Variants in PACSIN1 observed in about 807,000 individuals in gnomAD.
PACSIN1 encodes the protein protein kinase C and casein kinase substrate in neurons protein 1.
PACSIN1 carries 15 observed loss-of-function variants against 59.5 expected under a neutral mutation model. The ratio of observed to expected loss-of-function variants is 0.25; its 90% CI spans 0.17 to 0.39. PACSIN1 has a LOEUF of 0.39. Ranked by LOEUF, PACSIN1 falls within the 10% of genes least tolerant of loss-of-function variation. PACSIN1 has a pLI of 1.00. For missense variants in PACSIN1, 420 were observed against 580.2 expected (o/e 0.72, Z 2.84); for synonymous variants, 210 against 220.6 (o/e 0.95, Z 0.42).
intron 1 of PACSIN1, among the ~76,000 whole-genome samples, chr6:34,467,796 G>C (rs560245468): frequency 2.6e-5 from 4 of 152,252 alleles, no homozygotes; most frequent in Admixed American, 2.6e-4. Flanking sequence ...GACCTCAGGT[G>C]ATCTGCCCAC....
chr6:34,479,096 T>G (rs1433247221), intron 1 of PACSIN1, among the ~76,000 whole-genome samples: 1 of 152,148 alleles, frequency 6.6e-6, no homozygotes. Context: ...ATGAGGGCAG[T>G]GCCCCATAAT....
chr6:34,528,545 T>A (rs2127274420), intron 3 of PACSIN1, 97 bp from the exon 4 acceptor site: 1 of 893,802 alleles, frequency 1.1e-6, no homozygotes, highest in East Asian at 2.4e-5. Flanking sequence ...TTTCTGTTGC[T>A]ATGAGAGGAA....
At chr6:34,509,332 T>C (rs534803059) in intron 1 of PACSIN1, among the ~76,000 whole-genome samples, 2 of 152,242 alleles carry the variant, frequency 1.3e-5, no homozygotes, top group Non-Finnish European at 2.9e-5. Flanking sequence ...CTGTTGATCA[T>C]ATATGTATGG....
chr6:34,529,851 C>T lies in PACSIN1; in HGVS notation c.788+10C>T, dbSNP rs1335921283. 6.2e-7 allele frequency: 1 copy of T among 1,611,440 alleles called. No individual in the cohort carries two copies. The highest frequency in any genetic ancestry group is 1.1e-5 in the South Asian group (1 of 90,718). ...TGGCTGAGAACAGCAGGTACCTGGG[C>T]ATGGCAGGCACCGAGGGCACAGGCA... On this transcript the variant is annotated intron_variant, in intron 6 of 9. Coordinates refer to ENST00000244458, the MANE Select transcript of PACSIN1 (RefSeq NM_020804.5). This position sits in a 1 kb window ranked among gnomAD's most constrained non-coding sequence, Gnocchi z 6.3.
intron 1 of PACSIN1, among the ~76,000 whole-genome samples, chr6:34,520,761 A>C (rs954076115): frequency 6.6e-6 from 1 of 151,826 alleles, no homozygotes; most frequent in African/African-American, 2.4e-5. Flanking sequence ...CACAGGGAGG[A>C]GGAGACCCTG....
rs570635371 is a variant in PACSIN1, at chr6:34,503,269, AAAAAAAAAAAAG to A, written c.-63-22968_-63-22957del. 2.9e-3 allele frequency among the ~76,000 whole-genome samples: 433 copies of A among 149,718 alleles called. 2 individuals carry two copies. The highest frequency in any genetic ancestry group is 9.2e-3 in the African/African-American group (381 of 41,290). On this transcript the variant is annotated intron_variant, in intron 1 of 9. Transcript: ENST00000244458. ...CAGCATCAGAGCGAGATCCTGTCAA[AAAAAAAAAAAAG>A]AAAAAGAAAAAGAAAAAAAAAGCCT...
chr6:34,483,136 C>G (rs1766745059), intron 1 of PACSIN1, among the ~76,000 whole-genome samples: 2 of 151,754 alleles, frequency 1.3e-5, no homozygotes, highest in Non-Finnish European at 2.9e-5. Flanking sequence ...TCCCAAGTAG[C>G]TGGGACTACA....
rs78054637 is a variant in PACSIN1, at chr6:34,492,034, C to A, written c.-64+25764C>A. Among the ~76,000 whole-genome samples the A allele has an allele frequency of 8.7e-3, 1,319 of 152,032 alleles. 18 individuals carry two copies. Among genetic ancestry groups the A allele is most frequent in the African/African-American group, 0.025 (1,046 of 41,432 alleles). ...GATGTGTTTTTCTCCGGGTATATAC[C>A]CCAGTAATGGGATTGCGGGTCAAAT... On this transcript the variant is annotated intron_variant, in intron 1 of 9. Transcript: ENST00000244458.
At chr6:34,522,811 G>A (rs1349567681) in intron 1 of PACSIN1, among the ~76,000 whole-genome samples, 1 of 152,220 alleles carries the variant, frequency 6.6e-6, no homozygotes, top group Non-Finnish European at 1.5e-5. Context: ...CGAGTCCAAA[G>A]GCCACAGAAC....
intron 1 of PACSIN1, among the ~76,000 whole-genome samples, chr6:34,473,615 G>A: frequency 6.6e-6 from 1 of 152,184 alleles, no homozygotes; most frequent in African/African-American, 2.4e-5. Flanking sequence ...GCTGGGGGTT[G>A]GGGGTCCAGG....
At chr6:34,519,541 G>T (rs1251959404) in intron 1 of PACSIN1, among the ~76,000 whole-genome samples, 1 of 152,118 alleles carries the variant, frequency 6.6e-6, no homozygotes, top group Non-Finnish European at 1.5e-5. Flanking sequence ...AAGGGCTCTG[G>T]GGGTATTAGC....
intron 1 of PACSIN1, among the ~76,000 whole-genome samples, chr6:34,472,271 C>CAAAAAAAA (rs61560626): frequency 2.6e-4 from 20 of 78,290 alleles, no homozygotes; most frequent in South Asian, 5.2e-4. Context: ...GACTCTGTCT[C>CAAAAAAAA]AAAAAAAAAA....
In PACSIN1 at chr6:34,532,408, T is replaced by A. The variant is rs1561973014; in HGVS notation, c.1226-13T>A. 2 of 1,546,146 alleles carry A rather than the reference T, an allele frequency of 1.3e-6. No homozygotes were observed. Among genetic ancestry groups the A allele is most frequent in the East Asian group, 4.8e-5 (2 of 41,470 alleles). On this transcript the variant is annotated splice_polypyrimidine_tract_variant and intron_variant, in intron 9 of 9. Coordinates refer to ENST00000244458, the MANE Select transcript of PACSIN1 (RefSeq NM_020804.5). This position sits in a 1 kb window ranked among gnomAD's most constrained non-coding sequence, Gnocchi z 5.2. Reference sequence around the variant, plus strand: ...CCTTCTCTCTGAGCCCCTCCCTGTGTTCTCTTTCCCAGGAGACGAACTCAC... The same window carrying A: ...CCTTCTCTCTGAGCCCCTCCCTGTGATCTCTTTCCCAGGAGACGAACTCAC...
intron 1 of PACSIN1, among the ~76,000 whole-genome samples, chr6:34,519,592 A>T (rs1767353004): frequency 6.6e-6 from 1 of 152,068 alleles, no homozygotes; most frequent in Non-Finnish European, 1.5e-5. Flanking sequence ...CAGAGAGATG[A>T]GGCTCCTGTC....
At chr6:34,510,430 C>G (rs999699602) in intron 1 of PACSIN1, among the ~76,000 whole-genome samples, 7 of 152,198 alleles carry the variant, frequency 4.6e-5, no homozygotes, top group African/African-American at 1.7e-4. Context: ...ATCACTACCT[C>G]GTTTGCCACC....
At chr6:34,519,832 C>G (rs1469241300) in intron 1 of PACSIN1, among the ~76,000 whole-genome samples, 1 of 152,134 alleles carries the variant, frequency 6.6e-6, no homozygotes, top group Non-Finnish European at 1.5e-5. Flanking sequence ...GGATTTGAAC[C>G]TCATCTGCAG....
At chr6:34,473,828 C>G (rs1465678329) in intron 1 of PACSIN1, among the ~76,000 whole-genome samples, 1 of 152,228 alleles carries the variant, frequency 6.6e-6, no homozygotes, top group Non-Finnish European at 1.5e-5. Context: ...CATGTCCAAT[C>G]TCATCTCAAT....
At position 34,506,672 on chromosome 6, in the gene PACSIN1, C is replaced by T. The variant is rs367769433; in HGVS notation, c.-63-19571C>T. ...AGGTCCCCTACTTGACCTTGGTTGA[C>T]ACCCTGGTGGGGGTCAGGGGTGCCT... On this transcript the variant is annotated intron_variant, in intron 1 of 9. Coordinates refer to ENST00000244458, the MANE Select transcript of PACSIN1 (RefSeq NM_020804.5). 1.1e-4 allele frequency among the ~76,000 whole-genome samples: 16 copies of T among 152,308 alleles called. No homozygotes were observed. The East Asian group carries it at 2.3e-3, about 22-fold the overall frequency.
In PACSIN1 at chr6:34,516,096, C is replaced by T. The variant is rs1297429116; in HGVS notation, c.-63-10147C>T. Among the ~76,000 whole-genome samples, 4 of 152,096 alleles carry T rather than the reference C, an allele frequency of 2.6e-5. No homozygotes were observed. The highest frequency in any genetic ancestry group is 9.7e-5 in the African/African-American group (4 of 41,412). On this transcript the variant is annotated intron_variant, in intron 1 of 9. Coordinates refer to ENST00000244458, the MANE Select transcript of PACSIN1 (RefSeq NM_020804.5). The surrounding 1 kb of genome is among the most constrained non-coding windows in gnomAD (Gnocchi z 5.4). The stretch of plus-strand genomic sequence containing the variant: ...GAAGGTTGATGTGTGCAACTATGGG[C>T]GTGCTTAAGGTCCTGCCCTTCTCCA...
Sources: gnomAD v4.1 joint callset for allele counts (sites outside exome capture counted in the v4.1 genomes callset) on GRCh38, gnomAD v4.1.1 for gene constraint, Gnocchi (gnomAD v3.1) non-coding constraint, MANE v1.5 for transcripts, NCBI Gene and HGNC (gene_info 2026-07-23, HGNC 2026-07-21) for gene names.